The following TARBP1 variants were observed in gnomAD, a reference collection of about 807,000 sequenced individuals.
TARBP1 encodes the protein tRNA guanosine 2 -O-methyltransferase TARBP1.
A neutral mutation model predicts 178.6 loss-of-function variants in TARBP1; 144 were observed. The observed-to-expected ratio is 0.81, with a 90% confidence interval of 0.70 to 0.93. TARBP1 has a LOEUF of 0.93. Ranked by LOEUF, TARBP1 falls within the 40% of genes least tolerant of loss-of-function variation. The pLI, the probability that TARBP1 is intolerant of heterozygous loss-of-function variation, is 0.00. For synonymous variants in TARBP1, 787 were observed against 781.0 expected (o/e 1.01, Z -0.13); for missense variants, 2,067 against 2,011.7 (o/e 1.03, Z -0.53).
chr1:234,433,428 T>G lies in TARBP1; in HGVS notation c.2376A>C (p.Gln792His). The G allele has an allele frequency of 6.2e-7, 1 of 1,613,994 alleles. No homozygotes were observed. The change falls in exon 14 of 30, where the codon CAA becomes CAC. Residue 792 changes from glutamine to histidine, a missense_variant. Gln to His is a conservative substitution (Grantham distance 24, BLOSUM62 0). Coordinates refer to ENST00000040877, the MANE Select transcript of TARBP1 (RefSeq NM_005646.4). ...GGCTTACCTGTCCACTGTCCATCTC[T>G]TGAAGATGCTGAATGGATGCATTTT... ...LLKNASIQHLQEMDSGQEPTV... is the reference protein window; with the variant it reads ...LLKNASIQHLHEMDSGQEPTV...
chr1:234,424,617 T>C (rs1663491290), intron 20 of TARBP1, among the ~76,000 whole-genome samples: 1 of 152,208 alleles, frequency 6.6e-6, no homozygotes, highest in African/African-American at 2.4e-5. Context: ...AAGCAATATA[T>C]GAATATAGTA....
intron 22 of TARBP1, among the ~76,000 whole-genome samples, chr1:234,414,845 A>G (rs12077392): frequency 0.12 from 18,005 of 152,026 alleles, 1,179 homozygotes; most frequent in African/African-American, 0.16. Context: ...TTAGCCGGGC[A>G]TGGTGGTGCA....
chr1:234,460,514 C>T (rs1667744875), intron 6 of TARBP1, 118 bp from the exon 7 acceptor site: 1 of 1,018,318 alleles, frequency 9.8e-7, no homozygotes, highest in African/African-American at 1.6e-5. Context: ...ACTTCCCACA[C>T]ACTATGATGG....
chr1:234,398,347 C>A, intron 26 of TARBP1, 35 bp downstream of exon 26: 1 of 1,536,204 alleles, frequency 6.5e-7, no homozygotes, highest in Non-Finnish European at 8.8e-7. Context: ...ACCAGATCAA[C>A]AAGGGGAAAA....
intron 3 of TARBP1, 151 bp downstream of exon 3, chr1:234,471,037 T>G (rs1177313811): frequency 1.6e-6 from 1 of 624,258 alleles, no homozygotes; most frequent in African/African-American, 1.9e-5. Flanking sequence ...TAACAACTGT[T>G]ATCTCTTGGT....
At chr1:234,454,484 C>G (rs1170022496) in intron 9 of TARBP1, among the ~76,000 whole-genome samples, 1 of 151,942 alleles carries the variant, frequency 6.6e-6, no homozygotes, top group Non-Finnish European at 1.5e-5. Context: ...GTAGGAGGTC[C>G]AGGTCAAAGA....
intron 13 of TARBP1, among the ~76,000 whole-genome samples, chr1:234,436,321 TTAGA>T (rs1665029674): frequency 6.6e-6 from 1 of 152,220 alleles, no homozygotes. Context: ...TTAAAGTTAC[TTAGA>T]TATTTAAATG....
At chr1:234,404,471 C>T (rs1188912070) in intron 24 of TARBP1, among the ~76,000 whole-genome samples, 1 of 152,180 alleles carries the variant, frequency 6.6e-6, no homozygotes, top group Non-Finnish European at 1.5e-5. Flanking sequence ...TTCAAATCTA[C>T]ACATGTAAAC....
At chr1:234,393,219 T>A in intron 28 of TARBP1, 143 bp downstream of exon 28, 1 of 838,404 alleles carries the variant, frequency 1.2e-6, no homozygotes. Context: ...TTATAAATTA[T>A]GCAAAAGGAC....
chr1:234,392,713 C>CTTTT (rs373165088), intron 28 of TARBP1, 161 bp from the exon 29 acceptor site: 3 of 340,722 alleles, frequency 8.8e-6, no homozygotes, highest in Non-Finnish European at 1.5e-5. Context: ...ACATCAATTT[C>CTTTT]TTTTTTTTTT....
intron 22 of TARBP1, among the ~76,000 whole-genome samples, chr1:234,415,345 AT>A (rs1662306323): frequency 6.6e-6 from 1 of 152,180 alleles, no homozygotes; most frequent in Non-Finnish European, 1.5e-5. Context: ...ACATAGGCAG[AT>A]TTGTCTGATT....
intron 3 of TARBP1, among the ~76,000 whole-genome samples, chr1:234,468,387 G>C (rs1328102618): frequency 6.6e-6 from 1 of 152,066 alleles, no homozygotes; most frequent in Non-Finnish European, 1.5e-5. Context: ...TTGAACCCTT[G>C]AACTTGGGAG....
chr1:234,417,950 C>CA (rs1273018105), intron 22 of TARBP1, 134 bp downstream of exon 22: 36 of 464,442 alleles, frequency 7.8e-5, no homozygotes, highest in Middle Eastern at 6.1e-4. Context: ...TCAGATCTTG[C>CA]AAAACATAAC....
rs552158285 is a variant in TARBP1 at position 234,398,416 on chromosome 1, T to C, written c.4209A>G (p.Lys1403=). 8.5e-5 allele frequency: 137 copies of C among 1,610,174 alleles called. 2 individuals are homozygous for C. In the South Asian group the frequency reaches 1.5e-3, roughly 18 times the overall value. ...GCTGAGACCAGTCACCTGGTTTTAG[T>C]TTACTAAGTTGAGTTTGAGAAAGGT... The part of the protein sequence containing the change: ...QWYLSQTQLS[K]LKPGDWSQQD... The change falls in exon 26 of 30, where the codon AAA becomes AAG. Residue 1403 remains lysine, a synonymous_variant. Coordinates refer to ENST00000040877, the MANE Select transcript of TARBP1 (RefSeq NM_005646.4).
intron 23 of TARBP1, among the ~76,000 whole-genome samples, chr1:234,408,973 C>T (rs1488074449): frequency 1.3e-5 from 2 of 152,168 alleles, no homozygotes; most frequent in Non-Finnish European, 2.9e-5. Context: ...TCTCTAATTG[C>T]TCAGTACAGA....
At chr1:234,444,137 G>A (rs12402201) in intron 12 of TARBP1, among the ~76,000 whole-genome samples, 45,670 of 151,896 alleles carry the variant, frequency 0.3, 7,067 homozygotes, top group Admixed American at 0.41. Context: ...AACTATCTAT[G>A]CATAAAACTA....
chr1:234,402,040 C>T (rs1427796699), intron 24 of TARBP1, among the ~76,000 whole-genome samples: 2 of 152,204 alleles, frequency 1.3e-5, no homozygotes, highest in East Asian at 1.9e-4. Context: ...CGCATCTCCC[C>T]TCTTCTCTAT....
At chr1:234,448,699 C>T (rs7527374) in intron 10 of TARBP1, 120 bp from the exon 11 acceptor site, 202,916 of 730,368 alleles carry the variant, frequency 0.28, 29,377 homozygotes, top group Admixed American at 0.41. Flanking sequence ...GAAATACAAC[C>T]GAGATGAACT....
intron 23 of TARBP1, chr1:234,407,265 G>T (rs531245319): frequency 6.6e-6 from 1 of 151,762 alleles, no homozygotes; most frequent in Non-Finnish European, 1.5e-5. Context: ...GAGAAGTCAC[G>T]CTCCCCCTCC....
Sources: allele counts gnomAD v4.1 joint callset (sites outside exome capture counted in the v4.1 genomes callset), GRCh38; gene constraint gnomAD v4.1.1; transcripts MANE v1.5; gene names NCBI Gene and HGNC (gene_info 2026-07-23, HGNC 2026-07-21).